The following ATG9B variants were observed in gnomAD, a reference collection of about 807,000 sequenced individuals.
The protein encoded by ATG9B is autophagy related 9B.
In ATG9B, 92 loss-of-function variants were observed where a neutral mutation model predicts 92.9. That is an observed-to-expected ratio of 0.99 (90% CI 0.84 to 1.18). The LOEUF is 1.18. ATG9B is among the 50% of genes most tolerant of loss of function. ATG9B has a pLI of 0.00. For missense variants in ATG9B, 1,344 were observed against 1,235.0 expected (o/e 1.09, Z -1.32); for synonymous variants, 599 against 551.4 (o/e 1.09, Z -1.21).
At chr7:151,012,896 T>G, downstream of ATG9B, 1 of 368,308 alleles carries the variant, frequency 2.7e-6, no homozygotes, top group Non-Finnish European at 4.9e-6. Context: ...GGAGGAGAGT[T>G]ATAAGTATGG....
chr7:151,014,316 A>G, downstream of ATG9B: 1 of 893,428 alleles, frequency 1.1e-6, no homozygotes, highest in South Asian at 1.8e-5. Context: ...TTATTCCTCC[A>G]GGAAGGAGCA....
downstream of ATG9B, chr7:151,013,760 G>C (rs761850720): frequency 1.9e-6 from 3 of 1,611,212 alleles, no homozygotes; most frequent in Admixed American, 5.0e-5. Context: ...GGAGCTGGCT[G>C]CGGAGGTGCA....
In ATG9B at chr7:151,018,540, A is replaced by C; in HGVS notation, c.1718+80T>G. 1 of 1,527,948 alleles carries C rather than the reference A, an allele frequency of 6.5e-7. No individual in the cohort carries two copies. The highest frequency in any genetic ancestry group is 8.8e-7 in the Non-Finnish European group (1 of 1,140,062). The allele number at this position is 1,527,948 out of a possible 1,614,324, so 94.6% of individuals were successfully genotyped here. Reference sequence around the variant, plus strand: ...AGAGGGCCCCAGTGGTGGGAGAGGTAAGGATTCGGGGGGAACCTCACATGG... The same window carrying C: ...AGAGGGCCCCAGTGGTGGGAGAGGTCAGGATTCGGGGGGAACCTCACATGG... On this transcript the variant is annotated intron_variant, in intron 6 of 13. Coordinates refer to ENST00000639579, the MANE Select transcript of ATG9B (RefSeq NM_001317056.2). The surrounding 1 kb of genome is among the most constrained non-coding windows in gnomAD (Gnocchi z 4.7).
chr7:151,013,800 T>C, downstream of ATG9B: 1 of 1,610,848 alleles, frequency 6.2e-7, no homozygotes, highest in Non-Finnish European at 8.5e-7. Flanking sequence ...CGGGGCCACA[T>C]GTTTGTCTGC....
intron 2 of ATG9B, 72 bp from the exon 3 acceptor site, chr7:151,023,581 C>A: frequency 1.2e-6 from 2 of 1,610,800 alleles, no homozygotes; most frequent in Non-Finnish European, 8.5e-7. Flanking sequence ...TCAGCCCCAA[C>A]AAGTCTCCCA....
downstream of ATG9B, chr7:151,013,663 C>A (rs965979913): frequency 1.3e-5 from 18 of 1,419,416 alleles, no homozygotes; most frequent in Admixed American, 2.1e-5. Flanking sequence ...AGCCAGCAGC[C>A]CCGGGCTGCG....
At chr7:151,017,614 A>G (rs1795553833) in intron 8 of ATG9B, among the ~76,000 whole-genome samples, 1 of 152,156 alleles carries the variant, frequency 6.6e-6, no homozygotes, top group Non-Finnish European at 1.5e-5. Context: ...TGACGTTACT[A>G]TGTGCCAGCA....
downstream of ATG9B, chr7:151,014,281 G>C (rs1162836278): frequency 2.7e-6 from 3 of 1,094,518 alleles, no homozygotes; most frequent in African/African-American, 4.7e-5. Context: ...TCTCACATCT[G>C]TCCAGAGGCT....
rs1563251855 is a variant in ATG9B, at chr7:151,018,348, G to GGGGCCGGGCTCCTCCGGGAGGTAGTGC, written c.1791_1817dup (p.His598_Pro606dup). 6.3e-7 allele frequency: 1 copy of GGGGCCGGGCTCCTCCGGGAGGTAGTGC among 1,596,730 alleles called. No individual in the cohort carries two copies. Among genetic ancestry groups the GGGGCCGGGCTCCTCCGGGAGGTAGTGC allele is most frequent in the South Asian group, 1.1e-5 (1 of 89,092 alleles). On this transcript the variant is annotated inframe_insertion, in exon 7 of 14. Transcript: ENST00000639579. The surrounding 1 kb of genome is among the most constrained non-coding windows in gnomAD (Gnocchi z 4.7). ...GCCGGTAGGCGCGGTCCCTGCCGCC[G>GGGGCCGGGCTCCTCCGGGAGGTAGTGC]GGGCCGGGCTCCTCCGGGAGGTAGT...
downstream of ATG9B, chr7:151,013,350 G>T (rs1317783291): frequency 3.1e-6 from 5 of 1,613,606 alleles, no homozygotes; most frequent in South Asian, 4.4e-5. Context: ...AGTCCTCACC[G>T]CCTTCTCCCG....
At chr7:151,014,651 C>T (rs1413791259), downstream of ATG9B, 3 of 152,254 alleles carry the variant, frequency 2.0e-5, no homozygotes, top group East Asian at 1.9e-4. Context: ...CTCTGCCGCC[C>T]GGGCTGGAGT....
At chr7:151,012,976 T>C, downstream of ATG9B, 1 of 517,112 alleles carries the variant, frequency 1.9e-6, no homozygotes, top group Non-Finnish European at 3.4e-6. Context: ...GAATTCTGAG[T>C]CCGAAGCCGC....
At chr7:151,021,153 G>C in intron 5 of ATG9B, 35 bp downstream of exon 5, 1 of 1,609,594 alleles carries the variant, frequency 6.2e-7, no homozygotes, top group Non-Finnish European at 8.5e-7. Context: ...ACCCTCTCAC[G>C]GCACCCTCTG....
In ATG9B at chr7:151,016,801, G is replaced by T. The variant is rs1344290096; in HGVS notation, c.2310C>A (p.Asn770Lys). 1 of 1,610,602 alleles carries T rather than the reference G, an allele frequency of 6.2e-7. No homozygotes were observed. The highest frequency in any genetic ancestry group is 8.5e-7 in the Non-Finnish European group (1 of 1,178,670). The change falls in exon 10 of 14, where the codon AAC becomes AAA. Residue 770 changes from asparagine (N) to lysine (K), a missense_variant. Asn to Lys is a moderately conservative substitution (Grantham distance 94, BLOSUM62 0). Coordinates refer to ENST00000639579, the MANE Select transcript of ATG9B (RefSeq NM_001317056.2). ...TSPLPEAFLA[N>K]LFVHPLLPPR... ...GAGGCAGGAGAGGGTGCACGAAGAG[G>T]TTGGCCAGGAAGGCCTCAGGCTGGG...
Position 151,016,797 on chromosome 7 carries a change from A to C in ATG9B, c.2314T>G (p.Phe772Val), listed in dbSNP as rs752629766. ...PLPEAFLANL[F>V]VHPLLPPRDL... ...CTCGGAGGCAGGAGAGGGTGCACGA[A>C]GAGGTTGGCCAGGAAGGCCTCAGGC... Residue 772 changes from phenylalanine (F) to valine (V), a missense_variant, in exon 10 of 14, where the codon TTC (phenylalanine) becomes GTC (valine). Transcript: ENST00000639579. 29 of 1,611,168 alleles carry C rather than the reference A, an allele frequency of 1.8e-5. No homozygotes were observed. Among genetic ancestry groups the C allele is most frequent in the Non-Finnish European group, 2.3e-5 (27 of 1,178,942 alleles).
In ATG9B at chr7:151,018,041, G is replaced by A. The variant is rs755751943; in HGVS notation, c.1882C>T (p.Leu628=). 2.5e-6 allele frequency: 4 copies of A among 1,585,772 alleles called. No homozygotes were observed. Among genetic ancestry groups the A allele is most frequent in the Non-Finnish European group, 3.4e-6 (4 of 1,165,296 alleles). The part of the protein sequence containing the change: ...QLLQYRAVSL[L]EELLSPLLTP... Reference sequence around the variant, plus strand: ...AGGAGCGGGGACAGGAGCTCCTCCAGGAGGGAGACCTGGGGAAGCAGCGGT... The same window carrying A: ...AGGAGCGGGGACAGGAGCTCCTCCAAGAGGGAGACCTGGGGAAGCAGCGGT... The change falls in exon 8 of 14, where the codon CTG becomes TTG. Residue 628 remains leucine, a synonymous_variant. Coordinates refer to ENST00000639579, the MANE Select transcript of ATG9B (RefSeq NM_001317056.2). This position sits in a 1 kb window ranked among gnomAD's most constrained non-coding sequence, Gnocchi z 4.7.
At position 151,023,963 on chromosome 7, in the gene ATG9B, AGCC is replaced by A. The variant is rs745310464; in HGVS notation, c.458_460del (p.Arg153del). The stretch of plus-strand genomic sequence containing the variant: ...GGACCCCTCAGGGTCACAGTCCTCC[AGCC>A]GCTCATAATCCTGTTCAGGGATCAA... On this transcript the variant is annotated inframe_deletion, in exon 1 of 14. Transcript: ENST00000639579. 28 of 1,589,900 alleles carry A rather than the reference AGCC, an allele frequency of 1.8e-5. No individual in the cohort carries two copies. In the East Asian group the frequency reaches 6.4e-4, roughly 36 times the overall value.
downstream of ATG9B, chr7:151,012,504 G>A (rs925954245): frequency 6.2e-7 from 1 of 1,600,864 alleles, no homozygotes; most frequent in African/African-American, 1.3e-5. Context: ...CTGCCTGAAG[G>A]GAGTCACACA....
chr7:151,014,192 A>G (rs761543450), downstream of ATG9B: 20 of 1,585,048 alleles, frequency 1.3e-5, no homozygotes, highest in Non-Finnish European at 1.5e-5. Flanking sequence ...TTTCCCTTCC[A>G]GTTCCGGGAG....
Sources: allele counts gnomAD v4.1 joint callset (sites outside exome capture counted in the v4.1 genomes callset), GRCh38; gene constraint gnomAD v4.1.1; non-coding constraint Gnocchi (gnomAD v3.1); transcripts MANE v1.5; gene names NCBI Gene and HGNC (gene_info 2026-07-23, HGNC 2026-07-21).